Variants in EVA1C observed in about 807,000 individuals in gnomAD.
The protein encoded by EVA1C is protein eva-1 homolog C.
EVA1C carries 25 observed loss-of-function variants against 45.4 expected under a neutral mutation model. The observed-to-expected ratio is 0.55, with a 90% CI of 0.40 to 0.77. EVA1C has a LOEUF of 0.77. Ranked by LOEUF, EVA1C falls within the 30% of genes least tolerant of loss-of-function variation. The pLI is 0.00. For synonymous variants in EVA1C, 190 were observed against 221.2 expected, an observed-to-expected ratio of 0.86 and a Z score of 1.25; for missense variants, 479 against 554.8, an observed-to-expected ratio of 0.86 and a Z score of 1.37.
At chr21:32,473,850 T>A (rs1444970049) in intron 4 of EVA1C, 2 of 921,870 alleles carry the variant, frequency 2.2e-6, no homozygotes, top group East Asian at 2.4e-4. Context: ...AGCTGAACCT[T>A]CCATGTGAGG....
chr21:32,419,974 A>G (rs2034201451), intron 1 of EVA1C, among the ~76,000 whole-genome samples: 1 of 152,188 alleles, frequency 6.6e-6, no homozygotes, highest in African/African-American at 2.4e-5. Context: ...TGGGTTGGAA[A>G]GGCAGCTGAC....
chr21:32,497,260 A>G (rs552131264), intron 5 of EVA1C: 2 of 774,716 alleles, frequency 2.6e-6, no homozygotes, highest in South Asian at 1.4e-5. Context: ...AAGCTTGTGA[A>G]CACATGACAT....
At chr21:32,420,849 T>C (rs2034241077) in intron 1 of EVA1C, among the ~76,000 whole-genome samples, 1 of 152,252 alleles carries the variant, frequency 6.6e-6, no homozygotes. Flanking sequence ...TAGTAACTTT[T>C]GGGGATTTGA....
Position 32,452,210 on chromosome 21 carries a change from G to A in EVA1C, c.161-1102G>A, listed in dbSNP as rs1173058634. The A allele has an allele frequency of 6.6e-6, 1 of 152,268 alleles. No individual in the cohort carries two copies. The highest frequency in any genetic ancestry group is 1.5e-5 in the Non-Finnish European group (1 of 68,066). The allele number at this position is 152,268 out of a possible 1,614,324, so 9.4% of individuals were successfully genotyped here. A position where few individuals can be genotyped will look rare whatever the true frequency, so the allele number is the denominator to read the frequency against. Reference sequence around the variant, plus strand: ...TTTCCTGGTTTATAAAGGTGCTTCAGGACTCCTTGGCTCCTGGCCAATATC... The same window carrying A: ...TTTCCTGGTTTATAAAGGTGCTTCAAGACTCCTTGGCTCCTGGCCAATATC... On this transcript the variant is annotated intron_variant, in intron 1 of 7. Transcript: ENST00000300255. The surrounding 1 kb of genome is among the most constrained non-coding windows in gnomAD (Gnocchi z 4.0).
intron 1 of EVA1C, among the ~76,000 whole-genome samples, chr21:32,427,853 AT>A (rs2034549847): frequency 7.4e-5 from 2 of 27,100 alleles, no homozygotes; most frequent in African/African-American, 1.5e-4. Flanking sequence ...CTCCATCTCT[AT>A]TAAAAAAAAA....
chr21:32,428,046 A>G (rs1271805143), intron 1 of EVA1C, among the ~76,000 whole-genome samples: 1 of 151,990 alleles, frequency 6.6e-6, no homozygotes, highest in African/African-American at 2.4e-5. Flanking sequence ...ATTGTGTACT[A>G]TATATTTTTA....
chr21:32,485,131 G>A (rs746362091), intron 4 of EVA1C, among the ~76,000 whole-genome samples: 9 of 152,092 alleles, frequency 5.9e-5, no homozygotes, highest in Non-Finnish European at 1.2e-4. Flanking sequence ...AGAGGGCCAC[G>A]TCTTTCAGAT....
At chr21:32,507,590 ATG>A (rs796691201) in intron 7 of EVA1C, among the ~76,000 whole-genome samples, 32 of 149,396 alleles carry the variant, frequency 2.1e-4, no homozygotes, top group South Asian at 8.5e-4. Flanking sequence ...ATGTGTGTGC[ATG>A]TGTGTTTCTA....
At chr21:32,428,399 A>G (rs777674285) in intron 1 of EVA1C, 1 of 152,252 alleles carries the variant, frequency 6.6e-6, no homozygotes, top group Non-Finnish European at 1.5e-5. Flanking sequence ...ACTGTGGACA[A>G]CGGGACAGAT....
chr21:32,421,905 T>C (rs1446503830), intron 1 of EVA1C, among the ~76,000 whole-genome samples: 5 of 150,964 alleles, frequency 3.3e-5, no homozygotes, highest in Admixed American at 1.3e-4. Context: ...ATTAGCTGGG[T>C]GTGGTGGCGG....
At chr21:32,484,658 A>G (rs190510206) in intron 4 of EVA1C, among the ~76,000 whole-genome samples, 3 of 151,950 alleles carry the variant, frequency 2.0e-5, no homozygotes, top group African/African-American at 7.3e-5. Context: ...TTCCTCCCCT[A>G]CTTAGAGACT....
At chr21:32,417,135 G>A (rs2034080191) in intron 1 of EVA1C, among the ~76,000 whole-genome samples, 1 of 152,224 alleles carries the variant, frequency 6.6e-6, no homozygotes, top group Non-Finnish European at 1.5e-5. Flanking sequence ...CCTGGCCTGG[G>A]CCAGTGTTCC....
chr21:32,455,640 AT>A (rs1441411124), intron 2 of EVA1C, among the ~76,000 whole-genome samples: 1 of 152,020 alleles, frequency 6.6e-6, no homozygotes, highest in Non-Finnish European at 1.5e-5. Flanking sequence ...CAGTACCAAC[AT>A]TTTTTTAAAG....
chr21:32,499,030 T>C (rs1355854861), intron 5 of EVA1C, among the ~76,000 whole-genome samples: 1 of 152,252 alleles, frequency 6.6e-6, no homozygotes, highest in Non-Finnish European at 1.5e-5. Context: ...TGCAGTGGCC[T>C]GTGTCATACA....
chr21:32,474,283 A>G lies in EVA1C; in HGVS notation c.634+6435A>G, dbSNP rs1007502711. ...AAAGCCCTCCACTCTGCACACTGTA[A>G]TTGGAATACATCAGTCTTCAGCTGT... On this transcript the variant is annotated intron_variant, in intron 4 of 7. Coordinates refer to ENST00000300255, the MANE Select transcript of EVA1C (RefSeq NM_058187.5). The surrounding 1 kb of genome is among the most constrained non-coding windows in gnomAD (Gnocchi z 4.4). 1.3e-5 allele frequency among the ~76,000 whole-genome samples: 2 copies of G among 152,168 alleles called. No individual in the cohort carries two copies. The highest frequency in any genetic ancestry group is 4.8e-5 in the African/African-American group (2 of 41,430).
At chr21:32,501,660 CA>C in intron 6 of EVA1C, 165 bp downstream of exon 6, 1 of 742,970 alleles carries the variant, frequency 1.3e-6, no homozygotes, top group Non-Finnish European at 2.0e-6. Flanking sequence ...CCAATAGTTG[CA>C]AATGGTGAAC....
intron 5 of EVA1C, chr21:32,496,913 C>T (rs2037371026): frequency 1.6e-6 from 2 of 1,270,354 alleles, no homozygotes; most frequent in Admixed American, 1.7e-5. Context: ...GTTTCTTTGT[C>T]TTACTTGGCA....
intron 4 of EVA1C, among the ~76,000 whole-genome samples, chr21:32,485,049 A>G (rs1206185064): frequency 2.0e-5 from 3 of 152,172 alleles, no homozygotes; most frequent in African/African-American, 7.2e-5. Flanking sequence ...CGTCAAACAT[A>G]TTAGACGCAT....
At chr21:32,423,245 T>A (rs1324734239) in intron 1 of EVA1C, among the ~76,000 whole-genome samples, 1 of 152,110 alleles carries the variant, frequency 6.6e-6, no homozygotes, top group Non-Finnish European at 1.5e-5. Context: ...ATGAGACACT[T>A]TCTTGACCCA....
Sources: gnomAD v4.1 joint callset for allele counts (sites outside exome capture counted in the v4.1 genomes callset) on GRCh38, gnomAD v4.1.1 for gene constraint, Gnocchi (gnomAD v3.1) non-coding constraint, MANE v1.5 for transcripts, NCBI Gene and HGNC (gene_info 2026-07-23, HGNC 2026-07-21) for gene names.